The following KHDRBS2 variants were observed in gnomAD, a reference collection of about 807,000 sequenced individuals.
The protein encoded by KHDRBS2 is KH domain-containing, RNA-binding, signal transduction-associated protein 2.
Under a neutral mutation model 44.3 loss-of-function variants are expected in KHDRBS2, and 26 were observed. The ratio of observed to expected loss-of-function variants is 0.59; its 90% confidence interval spans 0.43 to 0.81. The LOEUF (loss-of-function observed/expected upper bound fraction) is 0.81, where lower values mean the gene tolerates loss of function less well. Ranked by LOEUF, KHDRBS2 falls within the 40% of genes least tolerant of loss-of-function variation. KHDRBS2 has a pLI of 0.00. For missense variants in KHDRBS2, 476 were observed against 433.1 expected, an observed-to-expected ratio of 1.10 and a Z score of -0.88; for synonymous variants, 194 against 151.1, an observed-to-expected ratio of 1.28 and a Z score of -2.08.
intron 2 of KHDRBS2, among the ~76,000 whole-genome samples, chr6:62,172,344 A>G (rs1820181952): frequency 6.6e-6 from 1 of 152,142 alleles, no homozygotes; most frequent in Non-Finnish European, 1.5e-5. Context: ...AAAGAAGTAC[A>G]TTATATAATA....
intron 2 of KHDRBS2, among the ~76,000 whole-genome samples, chr6:62,108,183 G>C (rs1003924847): frequency 1.3e-5 from 2 of 151,932 alleles, no homozygotes; most frequent in Non-Finnish European, 2.9e-5. Context: ...GAAAATTTTC[G>C]CAACCTACTC....
chr6:61,667,164 A>G, the KHDRBS2 span, among the ~76,000 whole-genome samples: 1 of 150,540 alleles, frequency 6.6e-6, no homozygotes, highest in Non-Finnish European at 1.5e-5. Context: ...GGAAGGACAA[A>G]TGTAAGGAAG....
chr6:62,134,555 C>T (rs532888896), intron 2 of KHDRBS2, among the ~76,000 whole-genome samples: 26 of 152,228 alleles, frequency 1.7e-4, no homozygotes, highest in African/African-American at 6.0e-4. Context: ...AGAAGAGGGC[C>T]ACCGTCCAAC....
intron 6 of KHDRBS2, among the ~76,000 whole-genome samples, chr6:61,804,767 G>A (rs760475159): frequency 4.6e-5 from 7 of 152,172 alleles, no homozygotes; most frequent in Non-Finnish European, 8.8e-5. Flanking sequence ...GCCATGGCTG[G>A]GATGCAGGGT....
In KHDRBS2 at chr6:61,899,120, CA is replaced by C. The variant is rs539043059; in HGVS notation, c.611+2123del. ...CTAGATGTCCAAAAACAAAAGAAAACAAAACAAGAGCAAAGACCTTAAACAT... is the reference window on the plus strand; with the variant it reads ...CTAGATGTCCAAAAACAAAAGAAAACAAACAAGAGCAAAGACCTTAAACAT... On this transcript the variant is annotated intron_variant, in intron 5 of 8. Transcript: ENST00000281156. Among the ~76,000 whole-genome samples, 297 of 151,780 alleles carry C rather than the reference CA, an allele frequency of 2.0e-3. 2 individuals carry two copies. Among genetic ancestry groups the C allele is most frequent in the African/African-American group, 6.8e-3 (281 of 41,488 alleles).
chr6:61,659,859 A>G, the KHDRBS2 span, among the ~76,000 whole-genome samples: 5 of 151,852 alleles, frequency 3.3e-5, no homozygotes, highest in African/African-American at 1.2e-4. Context: ...TGAGCAGGCC[A>G]TACTGTTTAA....
At chr6:61,719,118 ATTAT>A (rs1771925562) in intron 7 of KHDRBS2, among the ~76,000 whole-genome samples, 1 of 152,162 alleles carries the variant, frequency 6.6e-6, no homozygotes, top group African/African-American at 2.4e-5. Flanking sequence ...CACCTGATAC[ATTAT>A]TTAAGAAAAG....
intron 6 of KHDRBS2, among the ~76,000 whole-genome samples, chr6:61,838,530 T>C (rs1258146900): frequency 6.6e-6 from 1 of 152,038 alleles, no homozygotes; most frequent in Non-Finnish European, 1.5e-5. Flanking sequence ...TTGTCTCTTC[T>C]AAGAAATCAA....
At chr6:61,864,400 T>C (rs1797489000) in intron 6 of KHDRBS2, among the ~76,000 whole-genome samples, 1 of 152,192 alleles carries the variant, frequency 6.6e-6, no homozygotes, top group Non-Finnish European at 1.5e-5. Context: ...CATGTTTTTG[T>C]AGTGGCTGGT....
intron 4 of KHDRBS2, among the ~76,000 whole-genome samples, chr6:61,903,508 GA>G (rs2127345223): frequency 1.3e-5 from 2 of 152,304 alleles, no homozygotes; most frequent in South Asian, 4.1e-4. Context: ...AGATGAAGAA[GA>G]AGAATGAGGA....
At chr6:61,637,756 GTTTTGA>G in the KHDRBS2 span, among the ~76,000 whole-genome samples, 5 of 152,032 alleles carry the variant, frequency 3.3e-5, no homozygotes, top group Admixed American at 1.3e-4. Flanking sequence ...TCTCATTGTG[GTTTTGA>G]TTTGCATTTC....
At chr6:62,253,788 T>C (rs1439475849) in intron 1 of KHDRBS2, among the ~76,000 whole-genome samples, 2 of 152,020 alleles carry the variant, frequency 1.3e-5, no homozygotes, top group African/African-American at 4.8e-5. Flanking sequence ...TTTCCTTAAA[T>C]AATCTTAAAT....
chr6:61,726,665 A>G (rs934023505), intron 7 of KHDRBS2, among the ~76,000 whole-genome samples: 4 of 152,136 alleles, frequency 2.6e-5, no homozygotes, highest in Non-Finnish European at 2.9e-5. Context: ...ATAAACTCCC[A>G]TTGATCACTG....
At chr6:62,093,672 A>G (rs754932754) in intron 2 of KHDRBS2, among the ~76,000 whole-genome samples, 34 of 151,896 alleles carry the variant, frequency 2.2e-4, no homozygotes, top group Non-Finnish European at 4.4e-4. Context: ...TCCTAATGAT[A>G]ACCACTATTC....
intron 5 of KHDRBS2, 37 bp downstream of exon 5, chr6:61,901,207 A>G (rs754467167): frequency 6.3e-7 from 1 of 1,598,906 alleles, no homozygotes; most frequent in South Asian, 1.1e-5. Flanking sequence ...AAGGCCTGCC[A>G]TCATCCTTAA....
chr6:62,217,646 T>C (rs1830242468), intron 1 of KHDRBS2, among the ~76,000 whole-genome samples: 1 of 151,864 alleles, frequency 6.6e-6, no homozygotes. Context: ...TGAAAAATGA[T>C]CAACTGATGT....
chr6:61,985,385 T>C (rs1167919622), intron 3 of KHDRBS2, among the ~76,000 whole-genome samples: 1 of 152,340 alleles, frequency 6.6e-6, no homozygotes, highest in East Asian at 1.9e-4. Context: ...GAGATTCTTA[T>C]ATAGCCCAGG....
intron 2 of KHDRBS2, among the ~76,000 whole-genome samples, chr6:62,059,392 A>C (rs996862677): frequency 2.6e-5 from 4 of 151,088 alleles, no homozygotes; most frequent in African/African-American, 4.9e-5. Flanking sequence ...GTTTGGTGTA[A>C]GCTCGATAAA....
At chr6:61,771,349 A>G (rs907933263) in intron 6 of KHDRBS2, among the ~76,000 whole-genome samples, 1 of 152,210 alleles carries the variant, frequency 6.6e-6, no homozygotes, top group African/African-American at 2.4e-5. Flanking sequence ...TTAACTTTAA[A>G]TGTAAATGGG....
Sources: gnomAD v4.1 joint callset for allele counts (sites outside exome capture counted in the v4.1 genomes callset) on GRCh38, gnomAD v4.1.1 for gene constraint, MANE v1.5 for transcripts, NCBI Gene and HGNC (gene_info 2026-07-23, HGNC 2026-07-21) for gene names.